CAMK2D: variants seen among roughly 807,000 people sequenced by gnomAD.
CAMK2D encodes the protein calcium/calmodulin-dependent protein kinase type II subunit delta.
In CAMK2D, 37 loss-of-function variants were observed where a neutral mutation model predicts 84.0. The ratio of observed to expected loss-of-function variants is 0.44; its 90% CI spans 0.34 to 0.58. CAMK2D has a LOEUF of 0.58. Among genes scored for constraint, CAMK2D ranks in the 20% least tolerant of loss-of-function variants. The probability of loss-of-function intolerance (pLI) is 0.02; values close to 1 mark genes in which losing one functional copy is unlikely to be tolerated. For synonymous variants in CAMK2D, 202 were observed against 212.5 expected (o/e 0.95, Z 0.43); for missense variants, 448 against 652.5 (o/e 0.69, Z 3.41).
intron 2 of CAMK2D, among the ~76,000 whole-genome samples, chr4:113,729,174 A>C (rs879272808): frequency 5.3e-5 from 8 of 152,202 alleles, no homozygotes; most frequent in African/African-American, 1.2e-4. Flanking sequence ...TTATTTCAAT[A>C]GTCTCCTAAC....
chr4:113,555,703 C>T (rs1193326413), intron 4 of CAMK2D, among the ~76,000 whole-genome samples: 1 of 152,150 alleles, frequency 6.6e-6, no homozygotes, highest in Admixed American at 6.5e-5. Flanking sequence ...ACACTGTCTT[C>T]CACTTGTTGA....
intron 16 of CAMK2D, among the ~76,000 whole-genome samples, chr4:113,466,992 G>A (rs1053284208): frequency 2.0e-5 from 3 of 152,174 alleles, no homozygotes; most frequent in African/African-American, 4.8e-5. Flanking sequence ...TTTGTTCAGT[G>A]TCTTTTATGG....
At chr4:113,455,006 G>T (rs2097288615) in intron 20 of CAMK2D, among the ~76,000 whole-genome samples, 1 of 152,142 alleles carries the variant, frequency 6.6e-6, no homozygotes, top group South Asian at 2.1e-4. Flanking sequence ...TTTAATTGGA[G>T]ATCTCCTTTG....
chr4:113,499,448 C>A (rs2097998248), intron 16 of CAMK2D, among the ~76,000 whole-genome samples: 1 of 152,146 alleles, frequency 6.6e-6, no homozygotes, highest in Admixed American at 6.6e-5. Context: ...TGATCTACAG[C>A]CATTTTTATT....
At chr4:113,586,291 C>T (rs942054388) in intron 4 of CAMK2D, among the ~76,000 whole-genome samples, 2 of 152,126 alleles carry the variant, frequency 1.3e-5, no homozygotes, top group Admixed American at 6.5e-5. Context: ...CCTGGAACTG[C>T]TGGAGGTCAC....
intron 4 of CAMK2D, among the ~76,000 whole-genome samples, chr4:113,601,329 G>A (rs1257148090): frequency 6.6e-6 from 1 of 152,094 alleles, no homozygotes; most frequent in Non-Finnish European, 1.5e-5. Flanking sequence ...AGAATGTCAT[G>A]AGCATTTAAA....
At chr4:113,495,652 CTT>C (rs1337896176) in intron 16 of CAMK2D, among the ~76,000 whole-genome samples, 1 of 152,142 alleles carries the variant, frequency 6.6e-6, no homozygotes, top group Non-Finnish European at 1.5e-5. Context: ...GTGCCAACAA[CTT>C]TGTCCTTAAT....
chr4:113,507,204 G>A (rs140745960), intron 13 of CAMK2D, among the ~76,000 whole-genome samples: 29 of 151,494 alleles, frequency 1.9e-4, no homozygotes, highest in East Asian at 1.7e-3. Context: ...GCAAGAAGAC[G>A]TTCTTTTCAA....
intron 2 of CAMK2D, among the ~76,000 whole-genome samples, chr4:113,733,733 ACT>A (rs968596628): frequency 2.6e-5 from 4 of 152,212 alleles, no homozygotes; most frequent in African/African-American, 9.6e-5. Flanking sequence ...AGAAACATAG[ACT>A]CTGCTCAAGC....
chr4:113,662,463 G>A (rs1048213719), intron 2 of CAMK2D, among the ~76,000 whole-genome samples: 6 of 152,018 alleles, frequency 3.9e-5, no homozygotes, highest in Non-Finnish European at 5.9e-5. Flanking sequence ...TAACCAAAAT[G>A]ACTCATCAAA....
intron 3 of CAMK2D, among the ~76,000 whole-genome samples, chr4:113,658,326 CATT>C (rs1188937129): frequency 6.6e-6 from 1 of 152,082 alleles, no homozygotes; most frequent in Non-Finnish European, 1.5e-5. Context: ...CTATTTCTCT[CATT>C]AGATAAAAAG....
intron 2 of CAMK2D, chr4:113,753,800 CGGGGGT>C: frequency 1.9e-6 from 1 of 528,322 alleles, no homozygotes; most frequent in Non-Finnish European, 2.2e-6. Context: ...TGGGTGGGGG[CGGGGGT>C]GGTACTTAAG....
At chr4:113,726,374 CTTTTTTTTTTT>C (rs34696947) in intron 2 of CAMK2D, among the ~76,000 whole-genome samples, 2 of 69,546 alleles carry the variant, frequency 2.9e-5, no homozygotes, top group Non-Finnish European at 5.1e-5. Flanking sequence ...TTTGCTTGGG[CTTTTTTTTTTT>C]TTTTTTTTTT....
intron 2 of CAMK2D, among the ~76,000 whole-genome samples, chr4:113,727,466 C>T (rs1260898185): frequency 6.6e-6 from 1 of 151,198 alleles, no homozygotes; most frequent in Non-Finnish European, 1.5e-5. Context: ...AACAACTGGA[C>T]AAACATGAAA....
rs745409893 is a variant in CAMK2D, at chr4:113,470,530, C to T, written c.1136-4926G>A. 4.0e-5 allele frequency among the ~76,000 whole-genome samples: 6 copies of T among 151,590 alleles called. No homozygotes were observed. In the South Asian group the frequency reaches 8.4e-4, roughly 21 times the overall value. On this transcript the variant is annotated intron_variant, in intron 16 of 20. Coordinates refer to ENST00000511664, the MANE Select transcript of CAMK2D (RefSeq NM_001321571.2). The stretch of plus-strand genomic sequence containing the variant: ...GCACGCACATGTAGTCCCAGCTACT[C>T]GGGAGACTGAGGCAGGAGAATCACT...
Position 113,616,702 on chromosome 4 carries a change from A to C in CAMK2D, c.221-7496T>G, listed in dbSNP as rs115275107. On this transcript the variant is annotated intron_variant, in intron 3 of 20. Coordinates refer to ENST00000511664, the MANE Select transcript of CAMK2D (RefSeq NM_001321571.2). Reference sequence around the variant, plus strand: ...TTTGCTTGAAAGAAAAACGTCATCAATGGCTAAATATAGAAGCTCAGAGAA... The same window carrying C: ...TTTGCTTGAAAGAAAAACGTCATCACTGGCTAAATATAGAAGCTCAGAGAA... Among the ~76,000 whole-genome samples the C allele has an allele frequency of 4.0e-3, 602 of 152,302 alleles. 5 individuals carry two copies. The highest frequency in any genetic ancestry group is 0.014 in the African/African-American group (575 of 41,558).
chr4:113,618,154 A>G (rs1484258284), intron 3 of CAMK2D, among the ~76,000 whole-genome samples: 1 of 152,212 alleles, frequency 6.6e-6, no homozygotes, highest in Non-Finnish European at 1.5e-5. Flanking sequence ...AATTACCAAT[A>G]CAAAGCTGAA....
chr4:113,538,085 T>C (rs1049785662), intron 6 of CAMK2D, among the ~76,000 whole-genome samples: 14 of 152,208 alleles, frequency 9.2e-5, no homozygotes, highest in African/African-American at 2.4e-4. Flanking sequence ...AGCTTTTTTT[T>C]TTCTTTATAA....
chr4:113,705,987 T>C (rs541006546), intron 2 of CAMK2D, among the ~76,000 whole-genome samples: 2 of 152,084 alleles, frequency 1.3e-5, no homozygotes, highest in African/African-American at 4.8e-5. Flanking sequence ...ACGGGCGGTG[T>C]GTCTCATGTT....
Sources: gnomAD v4.1 joint callset for allele counts (sites outside exome capture counted in the v4.1 genomes callset) on GRCh38, gnomAD v4.1.1 for gene constraint, MANE v1.5 for transcripts, NCBI Gene and HGNC (gene_info 2026-07-23, HGNC 2026-07-21) for gene names.